The following ADGRV1 variants were observed in gnomAD, a reference collection of about 807,000 sequenced individuals.
The protein encoded by ADGRV1 is adhesion G protein-coupled receptor V1.
A neutral mutation model predicts 596.2 loss-of-function variants in ADGRV1; 359 were observed. The ratio of observed to expected loss-of-function variants is 0.60; its 90% CI spans 0.55 to 0.66. The LOEUF (loss-of-function observed/expected upper bound fraction) is 0.66. ADGRV1 is among the 30% of genes least tolerant of loss of function. The pLI, the probability that ADGRV1 is intolerant of heterozygous loss-of-function variation, is 0.00. For synonymous variants in ADGRV1, 2,681 were observed against 2,679.2 expected (o/e 1.00, Z -0.02); for missense variants, 7,274 against 7,575.6 (o/e 0.96, Z 1.48).
chr5:91,128,242 C>T (rs540115906), intron 87 of ADGRV1, among the ~76,000 whole-genome samples: 2 of 151,932 alleles, frequency 1.3e-5, no homozygotes, highest in South Asian at 4.2e-4. Flanking sequence ...TTCCCCTTAT[C>T]GCAGCATTTA....
rs115126751 is a variant in ADGRV1 at position 91,096,573 on chromosome 5, C to T, written c.18311-5646C>T. Among the ~76,000 whole-genome samples the T allele has an allele frequency of 7.6e-3, 1,150 of 152,214 alleles. 5 individuals are homozygous for T. The highest frequency in any genetic ancestry group is 0.012 in the Non-Finnish European group (800 of 68,004). On this transcript the variant is annotated intron_variant, in intron 86 of 89. Coordinates refer to ENST00000405460, the MANE Select transcript of ADGRV1 (RefSeq NM_032119.4). The stretch of plus-strand genomic sequence containing the variant: ...TTCAAACTATTTTGGTTTTCACATT[C>T]GTGACTCCTTGTTAATTTAAGTATG...
rs577222288 is a variant in ADGRV1 at position 90,962,948 on chromosome 5, G to C, written c.17857-2467G>C. 7.8e-4 allele frequency among the ~76,000 whole-genome samples: 119 copies of C among 152,124 alleles called. 2 individuals carry two copies. Among genetic ancestry groups the C allele is most frequent in the African/African-American group, 2.7e-3 (114 of 41,534 alleles). On this transcript the variant is annotated intron_variant, in intron 83 of 89. Transcript: ENST00000405460. ...TTAATTGCTTCAAAGAAAACATATT[G>C]AAAAAGAAAAGAATTATTTAAGTTA...
Position 90,776,251 on chromosome 5 carries a change from G to A in ADGRV1, c.12404-202G>A, listed in dbSNP as rs558239167. ...CCCCTTTCATTAAAATGTAATCTTG[G>A]GCAAGCGATTTGCCTCCATGTCTTC... On this transcript the variant is annotated intron_variant, in intron 60 of 89. Transcript: ENST00000405460. Among the ~76,000 whole-genome samples, 7 of 152,138 alleles carry A rather than the reference G, an allele frequency of 4.6e-5. No individual in the cohort carries two copies. The South Asian group carries it at 1.2e-3, about 27-fold the overall frequency.
Position 90,925,895 on chromosome 5 carries a change from G to A in ADGRV1, c.17857-39520G>A, listed in dbSNP as rs1398120129. Among the ~76,000 whole-genome samples, 8 of 131,760 alleles carry A rather than the reference G, an allele frequency of 6.1e-5. No homozygotes were observed. In the East Asian group the frequency reaches 1.5e-3, roughly 24 times the overall value. 86.4% of individuals were successfully genotyped at this position (131,760 alleles called of 152,430 possible). ...TCTGCATCTATTGAGATAATCATGT[G>A]GTTTTTGTCTTGGGCTCTGTTTATA... On this transcript the variant is annotated intron_variant, in intron 83 of 89. Transcript: ENST00000405460.
At chr5:90,828,255 C>G (rs1026407234) in intron 76 of ADGRV1, among the ~76,000 whole-genome samples, 4 of 151,850 alleles carry the variant, frequency 2.6e-5, no homozygotes. Flanking sequence ...TCAGAATTGA[C>G]TATTATAAAT....
At chr5:91,051,607 C>T (rs1413617399) in intron 85 of ADGRV1, among the ~76,000 whole-genome samples, 2 of 137,116 alleles carry the variant, frequency 1.5e-5, no homozygotes, top group African/African-American at 5.6e-5. Context: ...AGTGCAGTGG[C>T]GCGATCTCGG....
Position 90,866,315 on chromosome 5 carries a change from ATGTGTG to A in ADGRV1, c.17856+2482_17856+2487del, listed in dbSNP as rs149341618. Among the ~76,000 whole-genome samples the A allele has an allele frequency of 1.8e-3, 246 of 138,324 alleles. 1 individual carries two copies. The highest frequency in any genetic ancestry group is 6.0e-3 in the African/African-American group (232 of 38,732). 90.7% of individuals were successfully genotyped at this position (138,324 alleles called of 152,430 possible). A position where few individuals can be genotyped will look rare whatever the true frequency, so the allele number is the denominator to read the frequency against. ...ACTATAATTTATTGTGTATGTGTAT[ATGTGTG>A]TGTGTGTGTGTGTGTGTGTGTGTAT... On this transcript the variant is annotated intron_variant, in intron 83 of 89. Coordinates refer to ENST00000405460, the MANE Select transcript of ADGRV1 (RefSeq NM_032119.4).
chr5:90,810,134 C>T, intron 73 of ADGRV1, 99 bp from the exon 74 acceptor site: 1 of 988,498 alleles, frequency 1.0e-6, no homozygotes, highest in African/African-American at 1.6e-5. Context: ...AGTTGCTGCC[C>T]TCATGAGCAG....
At chr5:90,928,424 C>T (rs572436546) in intron 83 of ADGRV1, among the ~76,000 whole-genome samples, 8 of 151,144 alleles carry the variant, frequency 5.3e-5, no homozygotes, top group East Asian at 1.9e-4. Context: ...TTGATCGCAT[C>T]GGCTCCTGAG....
intron 81 of ADGRV1, 24 bp downstream of exon 81, chr5:90,854,225 A>T: frequency 6.6e-7 from 1 of 1,510,180 alleles, no homozygotes; most frequent in Non-Finnish European, 8.9e-7. Context: ...AAATAAAAAA[A>T]TCAGAATTTG....
intron 15 of ADGRV1, among the ~76,000 whole-genome samples, chr5:90,645,565 G>C (rs1320786549): frequency 6.6e-6 from 1 of 152,136 alleles, no homozygotes; most frequent in African/African-American, 2.4e-5. Flanking sequence ...AAGCCTTTGT[G>C]AGCTGGCTGA....
At chr5:91,142,039 C>G (rs552990074) in intron 87 of ADGRV1, among the ~76,000 whole-genome samples, 5 of 152,316 alleles carry the variant, frequency 3.3e-5, no homozygotes, top group South Asian at 2.1e-4. Context: ...AGCCGTGGCA[C>G]ATGTTACATG....
rs184473639 is a variant in ADGRV1, at chr5:91,094,333, C to T, written c.18311-7886C>T. Among the ~76,000 whole-genome samples, 396 of 152,040 alleles carry T rather than the reference C, an allele frequency of 2.6e-3. 1 individual carries two copies. Among genetic ancestry groups the T allele is most frequent in the Middle Eastern group, 0.01 (3 of 294 alleles). ...AATTAGCTGGGCGTGGTGGTGGGCA[C>T]GTGTCATCCCAGCTACTCGGGAGAC... is the stretch of plus-strand genomic sequence containing the variant. On this transcript the variant is annotated intron_variant, in intron 86 of 89. Transcript: ENST00000405460.
chr5:90,681,222 T>A (rs1382985404), intron 26 of ADGRV1, 93 bp from the exon 27 acceptor site: 31 of 1,387,338 alleles, frequency 2.2e-5, no homozygotes, highest in Middle Eastern at 3.8e-4. Context: ...ATGGAAGGAC[T>A]CTTTTCAAAA....
rs755679504 is a variant in ADGRV1, at chr5:90,745,244, G to T, written c.10748G>T (p.Ser3583Ile). ...SHIYELAYIS[S>I]HSDFIPSSGE... is the part of the protein sequence containing the mutation. ...ATATATGAGCTAGCCTACATTTCCA[G>T]CCATTCTGACTTTATTCCTAGGTAG... The change falls in exon 51 of 90, where the codon AGC (serine) becomes ATC (isoleucine). Residue 3583 changes from serine (S) to isoleucine (I), a missense_variant. Coordinates refer to ENST00000405460, the MANE Select transcript of ADGRV1 (RefSeq NM_032119.4). The T allele has an allele frequency of 6.3e-7, 1 of 1,597,312 alleles. No homozygotes were observed. The highest frequency in any genetic ancestry group is 1.3e-5 in the African/African-American group (1 of 74,522).
At chr5:90,644,909 T>C in intron 15 of ADGRV1, 40 bp downstream of exon 15, 1 of 1,341,170 alleles carries the variant, frequency 7.5e-7, no homozygotes, top group Non-Finnish European at 1.0e-6. Context: ...CTTGTTGTAG[T>C]TGATCAATAA....
At chr5:90,955,859 G>A (rs1308654582) in intron 83 of ADGRV1, among the ~76,000 whole-genome samples, 1 of 152,152 alleles carries the variant, frequency 6.6e-6, no homozygotes, top group Non-Finnish European at 1.5e-5. Flanking sequence ...GATGTAAAAT[G>A]GGAGGAATAA....
chr5:90,807,802 A>C (rs1200870743), intron 73 of ADGRV1, 65 bp downstream of exon 73: 10 of 1,403,162 alleles, frequency 7.1e-6, no homozygotes, highest in African/African-American at 1.4e-5. Flanking sequence ...CATCCATCAA[A>C]ACAGAAAAAG....
intron 85 of ADGRV1, among the ~76,000 whole-genome samples, chr5:91,001,338 A>G (rs1204766958): frequency 2.0e-5 from 3 of 152,158 alleles, no homozygotes; most frequent in Non-Finnish European, 4.4e-5. Flanking sequence ...ATGACCTCCC[A>G]AAGTGCTGAG....
Sources: gnomAD v4.1 joint callset for allele counts (sites outside exome capture counted in the v4.1 genomes callset) on GRCh38, gnomAD v4.1.1 for gene constraint, MANE v1.5 for transcripts, NCBI Gene and HGNC (gene_info 2026-07-23, HGNC 2026-07-21) for gene names.